SCAF8: variants seen among roughly 807,000 people sequenced by gnomAD.
SCAF8 encodes SR-related CTD associated factor 8, also known as SR-related and CTD-associated factor 8.
A neutral mutation model predicts 140.5 loss-of-function variants in SCAF8; 23 were observed. The ratio of observed to expected loss-of-function variants is 0.16; its 90% CI spans 0.12 to 0.23. The LOEUF is 0.23. Among genes scored for constraint, SCAF8 ranks in the 10% least tolerant of loss-of-function variants. The probability of loss-of-function intolerance (pLI) is 1.00; values close to 1 mark genes in which losing one functional copy is unlikely to be tolerated. For synonymous variants in SCAF8, 575 were observed against 528.9 expected (o/e 1.09, Z -1.20); for missense variants, 1,397 against 1,555.7 (o/e 0.90, Z 1.72).
chr6:154,827,376 A>T (rs1230192469), intron 18 of SCAF8, 136 bp downstream of exon 18: 2 of 616,070 alleles, frequency 3.2e-6, no homozygotes, highest in Admixed American at 6.5e-5. Context: ...ATAATTTCTA[A>T]AATACGGTAA....
rs144654888 is a variant in SCAF8, at chr6:154,824,429, G to C, written c.2071+51G>C. On this transcript the variant is annotated intron_variant, in intron 17 of 19. Transcript: ENST00000367178. ...GAACTCTATTTAGATTATCATTTAAGTTGTGTTTCTTCCAGATTTAAGTAC... is the reference window on the plus strand; with the variant it reads ...GAACTCTATTTAGATTATCATTTAACTTGTGTTTCTTCCAGATTTAAGTAC... The C allele has an allele frequency of 1.2e-3, 1,766 of 1,512,216 alleles. 25 individuals carry two copies. The African/African-American group carries it at 0.021, about 18-fold the overall frequency. The allele number at this position is 1,512,216 out of a possible 1,614,324, so 93.7% of individuals were successfully genotyped here. A position where few individuals can be genotyped will look rare whatever the true frequency, so the allele number is the denominator to read the frequency against.
chr6:154,739,692 T>TC (rs1345331973), intron 1 of SCAF8, among the ~76,000 whole-genome samples: 1 of 152,218 alleles, frequency 6.6e-6, no homozygotes, highest in Non-Finnish European at 1.5e-5. Flanking sequence ...TTTAAACTGT[T>TC]CCAGGATGCA....
chr6:154,811,570 G>A (rs887253821), intron 12 of SCAF8, among the ~76,000 whole-genome samples: 2 of 151,540 alleles, frequency 1.3e-5, no homozygotes, highest in Non-Finnish European at 2.9e-5. Context: ...TAAGTTCTAG[G>A]GTACTTGTGT....
rs1340548579 is a variant in SCAF8, at chr6:154,744,816, A to T, written c.30+10886A>T. On this transcript the variant is annotated intron_variant, in intron 1 of 19. Coordinates refer to ENST00000367178, the MANE Select transcript of SCAF8 (RefSeq NM_014892.5). ...GATGAATAATTTTTATGTATACTTC[A>T]TCCAGATTTCTGTGCCTCCTGTAAC... Among the ~76,000 whole-genome samples the T allele has an allele frequency of 2.0e-5, 3 of 152,210 alleles. No individual in the cohort carries two copies. The East Asian group carries it at 5.8e-4, about 29-fold the overall frequency.
At position 154,765,153 on chromosome 6, in the gene SCAF8, TGTTA is replaced by T. The variant is rs1337432150; in HGVS notation, c.31-8831_31-8828del. The stretch of plus-strand genomic sequence containing the variant: ...CATATTCTTTTTCTAAAGTACTGGT[TGTTA>T]GTTATAGTGTCATTCATAAAATTCT... On this transcript the variant is annotated intron_variant, in intron 1 of 19. Transcript: ENST00000367178. 5.9e-5 allele frequency among the ~76,000 whole-genome samples: 9 copies of T among 152,344 alleles called. No individual in the cohort carries two copies. The East Asian group carries it at 1.7e-3, about 29-fold the overall frequency.
intron 8 of SCAF8, among the ~76,000 whole-genome samples, chr6:154,803,966 A>G (rs990457524): frequency 3.9e-5 from 6 of 152,232 alleles, no homozygotes; most frequent in African/African-American, 1.4e-4. Flanking sequence ...CTTAGAGGCC[A>G]CTTCTAGAAA....
chr6:154,734,055 C>T (rs971695619), intron 1 of SCAF8, 125 bp downstream of exon 1: 14 of 1,350,082 alleles, frequency 1.0e-5, no homozygotes, highest in Non-Finnish European at 1.2e-5. Flanking sequence ...GGTGGCCTAG[C>T]AGTGCCCGTG....
At chr6:154,770,443 G>C (rs1277383151) in intron 1 of SCAF8, among the ~76,000 whole-genome samples, 2 of 150,372 alleles carry the variant, frequency 1.3e-5, no homozygotes, top group African/African-American at 2.5e-5. Context: ...GTGGCGGTCC[G>C]TGCCTATAGT....
intron 1 of SCAF8, among the ~76,000 whole-genome samples, chr6:154,767,636 C>T (rs1776620576): frequency 6.8e-6 from 1 of 147,820 alleles, no homozygotes; most frequent in Non-Finnish European, 1.5e-5. Context: ...GCCTCCTGGG[C>T]TCAAGTGATC....
intron 1 of SCAF8, among the ~76,000 whole-genome samples, chr6:154,772,245 C>T (rs950411110): frequency 2.0e-5 from 3 of 152,164 alleles, no homozygotes; most frequent in Non-Finnish European, 2.9e-5. Context: ...AGTTTAGTTT[C>T]GACTTCTAAT....
chr6:154,733,635 C>A lies in SCAF8; in HGVS notation c.-266C>A, dbSNP rs1270916348. On this transcript the variant is annotated 5_prime_UTR_variant, in exon 1 of 20. Coordinates refer to ENST00000367178, the MANE Select transcript of SCAF8 (RefSeq NM_014892.5). Reference sequence around the variant, plus strand: ...GCCGCGGCCCAGCCCCTCCCCCGCCCGCCGCCGACCCGCCCCGGCAGCGCC... The same window carrying A: ...GCCGCGGCCCAGCCCCTCCCCCGCCAGCCGCCGACCCGCCCCGGCAGCGCC... 7.7e-7 allele frequency: 1 copy of A among 1,291,882 alleles called. No individual in the cohort carries two copies. 80.0% of individuals were successfully genotyped at this position (1,291,882 alleles called of 1,614,324 possible).
At chr6:154,782,364 A>T (rs988169709) in intron 3 of SCAF8, among the ~76,000 whole-genome samples, 11 of 152,212 alleles carry the variant, frequency 7.2e-5, no homozygotes, top group Admixed American at 2.0e-4. Context: ...GGCTGTAGTG[A>T]ACCATCATTG....
chr6:154,758,261 T>TC (rs1779015562), intron 1 of SCAF8, among the ~76,000 whole-genome samples: 2 of 152,182 alleles, frequency 1.3e-5, no homozygotes, highest in African/African-American at 4.8e-5. Flanking sequence ...TTGTAAGACT[T>TC]CATCAAAATC....
At chr6:154,814,035 A>C (rs554004748) in intron 12 of SCAF8, among the ~76,000 whole-genome samples, 1 of 152,366 alleles carries the variant, frequency 6.6e-6, no homozygotes, top group South Asian at 2.1e-4. Context: ...TTGTTATAGC[A>C]GCAATAAAAA....
At chr6:154,775,107 T>A (rs1776879486) in intron 2 of SCAF8, among the ~76,000 whole-genome samples, 1 of 152,228 alleles carries the variant, frequency 6.6e-6, no homozygotes, top group Non-Finnish European at 1.5e-5. Flanking sequence ...AGATTCCTAT[T>A]TACTAGTAAT....
At chr6:154,762,083 T>C (rs1456867834) in intron 1 of SCAF8, among the ~76,000 whole-genome samples, 1 of 152,238 alleles carries the variant, frequency 6.6e-6, no homozygotes, top group Admixed American at 6.5e-5. Flanking sequence ...CTTTCAAGTT[T>C]ATACACATAC....
intron 1 of SCAF8, among the ~76,000 whole-genome samples, chr6:154,767,398 T>C (rs572552978): frequency 6.6e-6 from 1 of 151,882 alleles, no homozygotes; most frequent in African/African-American, 2.4e-5. Flanking sequence ...TTCTCCAGAA[T>C]AAGGTACTTT....
At chr6:154,758,471 C>T (rs186514861) in intron 1 of SCAF8, among the ~76,000 whole-genome samples, 1 of 152,236 alleles carries the variant, frequency 6.6e-6, no homozygotes, top group African/African-American at 2.4e-5. Flanking sequence ...GTTCTTAGAG[C>T]CTTTGCTGTG....
In SCAF8 at chr6:154,831,148, A is replaced by G; in HGVS notation, c.2359+8A>G. 2 of 1,489,100 alleles carry G rather than the reference A, an allele frequency of 1.3e-6. No homozygotes were observed. Among genetic ancestry groups the G allele is most frequent in the South Asian group, 1.3e-5 (1 of 79,462 alleles). 92.2% of individuals were successfully genotyped at this position (1,489,100 alleles called of 1,614,324 possible). On this transcript the variant is annotated splice_region_variant and intron_variant, in intron 19 of 19. Transcript: ENST00000367178. ...GTGAAAACACCAGATCAGGTAAATAATAATAATAAAATTTAAAAAAAGAGG... is the reference window on the plus strand; with the variant it reads ...GTGAAAACACCAGATCAGGTAAATAGTAATAATAAAATTTAAAAAAAGAGG...
Sources: gnomAD v4.1 joint callset for allele counts (sites outside exome capture counted in the v4.1 genomes callset) on GRCh38, gnomAD v4.1.1 for gene constraint, MANE v1.5 for transcripts, NCBI Gene and HGNC (gene_info 2026-07-23, HGNC 2026-07-21) for gene names.